APPBP2: variants seen among roughly 807,000 people sequenced by gnomAD.
APPBP2 encodes the protein amyloid protein-binding protein 2.
A neutral mutation model predicts 76.0 loss-of-function variants in APPBP2; 15 were observed. That is an observed-to-expected ratio of 0.20 (90% confidence interval 0.13 to 0.30). The LOEUF (loss-of-function observed/expected upper bound fraction) is 0.30, where lower values mean the gene tolerates loss of function less well. Among genes scored for constraint, APPBP2 ranks in the 10% least tolerant of loss-of-function variants. The pLI is 1.00. For missense variants in APPBP2, 401 were observed against 687.2 expected (o/e 0.58, Z 4.66); for synonymous variants, 222 against 242.2 (o/e 0.92, Z 0.77).
At position 60,449,853 on chromosome 17, in the gene APPBP2, A is replaced by C. The variant is rs1459807140; in HGVS notation, c.1505-2019T>G. 3.9e-5 allele frequency among the ~76,000 whole-genome samples: 6 copies of C among 152,142 alleles called. No homozygotes were observed. In the East Asian group the frequency reaches 1.2e-3, roughly 30 times the overall value. ...TGCTCCGTCACACAGGCTGGAGTGC[A>C]CAGTGCAATCTCGGCTCACTGCAAC... On this transcript the variant is annotated intron_variant, in intron 12 of 12. Coordinates refer to ENST00000083182, the MANE Select transcript of APPBP2 (RefSeq NM_006380.5).
chr17:60,512,958 CTTTTTTT>C (rs58923452), intron 1 of APPBP2, among the ~76,000 whole-genome samples: 3 of 127,200 alleles, frequency 2.4e-5, no homozygotes, highest in Admixed American at 8.0e-5. Flanking sequence ...TTTTCTTTTC[CTTTTTTT>C]TTTTTTTTTT....
chr17:60,450,905 A>G (rs995641978), intron 12 of APPBP2, among the ~76,000 whole-genome samples: 10 of 152,266 alleles, frequency 6.6e-5, no homozygotes, highest in Admixed American at 5.9e-4. Flanking sequence ...TGTCATATTC[A>G]TATCATATAA....
intron 1 of APPBP2, among the ~76,000 whole-genome samples, chr17:60,508,298 T>C (rs1483948101): frequency 6.6e-6 from 1 of 152,152 alleles, no homozygotes; most frequent in Non-Finnish European, 1.5e-5. Context: ...TGCAGAGGAA[T>C]TGCTAGTAAC....
In APPBP2 at chr17:60,447,170, C is replaced by G. The variant is rs2090355155; in HGVS notation, c.*411G>C. On this transcript the variant is annotated 3_prime_UTR_variant, in exon 13 of 13. Coordinates refer to ENST00000083182, the MANE Select transcript of APPBP2 (RefSeq NM_006380.5). ...CTTTACACTACAGTATTGAATACCT[C>G]CACATGGAAGAATTACATATTAAAA... 6.3e-6 allele frequency: 1 copy of G among 159,554 alleles called. No individual in the cohort carries two copies. Among genetic ancestry groups the G allele is most frequent in the African/African-American group, 2.4e-5 (1 of 41,534 alleles). 9.9% of individuals were successfully genotyped at this position (159,554 alleles called of 1,614,324 possible). A position where few individuals can be genotyped will look rare whatever the true frequency, so the allele number is the denominator to read the frequency against.
chr17:60,490,207 CTAAG>C (rs2090716336), intron 3 of APPBP2, among the ~76,000 whole-genome samples: 1 of 152,092 alleles, frequency 6.6e-6, no homozygotes, highest in Non-Finnish European at 1.5e-5. Flanking sequence ...CTGGTGAAAA[CTAAG>C]TAAGGCCAGT....
chr17:60,447,606 T>A lies in APPBP2; in HGVS notation c.1733A>T (p.Gln578Leu). The A allele has an allele frequency of 6.2e-7, 1 of 1,613,492 alleles. No homozygotes were observed. The highest frequency in any genetic ancestry group is 1.1e-5 in the South Asian group (1 of 90,994). ...EEVVQSFLISQNVEGPSC is the reference protein window; with the variant it reads ...EEVVQSFLISLNVEGPSC Reference sequence around the variant, plus strand: ...TCAGCAGCTCGGTCCCTCGACATTCTGAGAAATCAGGAAGGACTGCACCAC... The same window carrying A: ...TCAGCAGCTCGGTCCCTCGACATTCAGAGAAATCAGGAAGGACTGCACCAC... The change falls in exon 13 of 13, where the codon CAG becomes CTG. Residue 578 changes from glutamine to leucine, a missense_variant. This residue lies in a region of APPBP2 where 56 missense variants were observed against 76.5 expected (regional missense o/e 0.73). Coordinates refer to ENST00000083182, the MANE Select transcript of APPBP2 (RefSeq NM_006380.5).
chr17:60,454,742 A>C (rs1448491192), intron 10 of APPBP2, among the ~76,000 whole-genome samples: 3 of 152,212 alleles, frequency 2.0e-5, no homozygotes, highest in African/African-American at 7.2e-5. Flanking sequence ...TTGCAGAATT[A>C]GCTTCTATTT....
intron 3 of APPBP2, among the ~76,000 whole-genome samples, chr17:60,493,632 CCTTTT>C (rs1325229772): frequency 1.4e-5 from 2 of 138,274 alleles, no homozygotes; most frequent in Non-Finnish European, 3.0e-5. Context: ...CCATGCCCAG[CCTTTT>C]TTTTTTCTTT....
Position 60,526,236 on chromosome 17 carries a change from C to T in APPBP2, c.-305G>A, listed in dbSNP as rs1056832191. 4 of 286,486 alleles carry T rather than the reference C, an allele frequency of 1.4e-5. No homozygotes were observed. Among genetic ancestry groups the T allele is most frequent in the Non-Finnish European group, 2.7e-5 (4 of 148,366 alleles). 17.7% of individuals were successfully genotyped at this position (286,486 alleles called of 1,614,324 possible). On this transcript the variant is annotated 5_prime_UTR_variant, in exon 1 of 13. Coordinates refer to ENST00000083182, the MANE Select transcript of APPBP2 (RefSeq NM_006380.5). ...GCTGATCTCTGCAGGGGCGGGGCTG[C>T]GTGTGCGGCGTCATGACGTAAGCGC...
chr17:60,453,832 G>A (rs2090413905), intron 11 of APPBP2, among the ~76,000 whole-genome samples: 1 of 151,834 alleles, frequency 6.6e-6, no homozygotes. Context: ...CACTGTGCCT[G>A]GCCCACGGTC....
rs935855813 is a variant in APPBP2, at chr17:60,443,337, C to T, written c.*4244G>A. ...TCCTGACACAATGAAGAACCGTCTT[C>T]AAAAATCTATTTAATGACCTTAGAT... On this transcript the variant is annotated 3_prime_UTR_variant, in exon 13 of 13. Transcript: ENST00000083182. 6.6e-6 allele frequency: 1 copy of T among 152,552 alleles called. No homozygotes were observed. Among genetic ancestry groups the T allele is most frequent in the Non-Finnish European group, 1.5e-5 (1 of 68,006 alleles). The allele number at this position is 152,552 out of a possible 1,614,324, so 9.4% of individuals were successfully genotyped here.
chr17:60,515,138 C>CA (rs1207979984), intron 1 of APPBP2, among the ~76,000 whole-genome samples: 1 of 119,310 alleles, frequency 8.4e-6, no homozygotes, highest in Non-Finnish European at 1.6e-5. Context: ...TTTTTTGAGA[C>CA]AGAGTCTCAC....
intron 3 of APPBP2, among the ~76,000 whole-genome samples, chr17:60,486,973 G>C (rs1249568356): frequency 6.6e-6 from 1 of 152,160 alleles, no homozygotes; most frequent in African/African-American, 2.4e-5. Flanking sequence ...GGCTGGATAT[G>C]AAATTCTGGG....
intron 12 of APPBP2, among the ~76,000 whole-genome samples, chr17:60,448,462 CA>C (rs1414500378): frequency 6.6e-6 from 1 of 152,036 alleles, no homozygotes; most frequent in Non-Finnish European, 1.5e-5. Flanking sequence ...GACTCCGTCT[CA>C]AAAAAACCAA....
At chr17:60,505,676 G>GGTTTTTTTT (rs2090861076) in intron 1 of APPBP2, among the ~76,000 whole-genome samples, 1 of 85,716 alleles carries the variant, frequency 1.2e-5, no homozygotes, top group Non-Finnish European at 2.1e-5. Flanking sequence ...GACCCCTGCG[G>GGTTTTTTTT]TTTTTTTTTT....
intron 11 of APPBP2, among the ~76,000 whole-genome samples, chr17:60,452,288 T>C (rs1014561194): frequency 6.6e-6 from 1 of 152,226 alleles, no homozygotes; most frequent in African/African-American, 2.4e-5. Context: ...TGAAAACTTA[T>C]CCTGGTAATA....
chr17:60,483,534 T>C (rs2090648066), intron 3 of APPBP2, among the ~76,000 whole-genome samples: 2 of 151,978 alleles, frequency 1.3e-5, no homozygotes, highest in Admixed American at 1.3e-4. Flanking sequence ...GCTGGGACTA[T>C]AGGCGCCCAC....
In APPBP2 at chr17:60,518,919, G is replaced by C. The variant is rs147547923; in HGVS notation, c.138+6875C>G. Among the ~76,000 whole-genome samples, 471 of 152,270 alleles carry C rather than the reference G, an allele frequency of 3.1e-3. 4 individuals are homozygous for C. The highest frequency in any genetic ancestry group is 5.5e-3 in the Non-Finnish European group (373 of 68,020). ...TGGCATTACAGTGTTGGCAAGGTAAGACAAGAGGTAAAGATAGATTTTAAA... is the reference window on the plus strand; with the variant it reads ...TGGCATTACAGTGTTGGCAAGGTAACACAAGAGGTAAAGATAGATTTTAAA... On this transcript the variant is annotated intron_variant, in intron 1 of 12. Transcript: ENST00000083182.
chr17:60,489,103 T>A (rs2090705149), intron 3 of APPBP2, among the ~76,000 whole-genome samples: 1 of 151,698 alleles, frequency 6.6e-6, no homozygotes, highest in South Asian at 2.1e-4. Flanking sequence ...GTGCCTATAA[T>A]CCCAGCTACT....
Sources: gnomAD v4.1 joint callset for allele counts (sites outside exome capture counted in the v4.1 genomes callset) on GRCh38, gnomAD v4.1.1 for gene constraint, gnomAD v4.1.1 regional missense constraint, MANE v1.5 for transcripts, NCBI Gene and HGNC (gene_info 2026-07-23, HGNC 2026-07-21) for gene names.